The following STK3 variants were observed in gnomAD, a reference collection of about 807,000 sequenced individuals.
The protein encoded by STK3 is serine/threonine-protein kinase 3.
In STK3, 41 loss-of-function variants were observed where a neutral mutation model predicts 58.0. That is an observed-to-expected ratio of 0.71 (90% CI 0.55 to 0.92). The LOEUF (loss-of-function observed/expected upper bound fraction) is 0.92, where lower values mean the gene tolerates loss of function less well. Ranked by LOEUF, STK3 falls within the 40% of genes least tolerant of loss-of-function variation. The pLI, the probability that STK3 is intolerant of heterozygous loss-of-function variation, is 0.00. For missense variants in STK3, 479 were observed against 602.7 expected, an observed-to-expected ratio of 0.79 and a Z score of 2.15; for synonymous variants, 170 against 191.0, an observed-to-expected ratio of 0.89 and a Z score of 0.91.
intron 3 of STK3, among the ~76,000 whole-genome samples, chr8:98,860,723 T>A (rs1836899470): frequency 6.6e-6 from 1 of 152,148 alleles, no homozygotes; most frequent in African/African-American, 2.4e-5. Flanking sequence ...GAAGAGGGAC[T>A]ATGGACACTA....
the STK3 span, among the ~76,000 whole-genome samples, chr8:98,353,280 C>A: frequency 6.6e-6 from 1 of 151,974 alleles, no homozygotes; most frequent in African/African-American, 2.4e-5. Flanking sequence ...ACAAGATCAA[C>A]CTGGGCAACA....
exon 2 of STK3, chr8:98,883,824 C>T: frequency 1.5e-6 from 1 of 674,584 alleles, no homozygotes; most frequent in Non-Finnish European, 2.7e-6. Context: ...GAAGAAGGGA[C>T]ATTGAATGGC....
upstream of STK3, among the ~76,000 whole-genome samples, chr8:98,825,877 CGCGCCGGCCGCCAGCCT>C (rs766137172): frequency 0.56 from 38,159 of 68,516 alleles, 12,577 homozygotes; most frequent in Middle Eastern, 0.68. Context: ...CGCCCCCGGC[CGCGCCGGCCGCCAGCCT>C]GCGGCGGCGG....
intron 10 of STK3, among the ~76,000 whole-genome samples, chr8:98,518,422 A>G (rs537155175): frequency 6.6e-6 from 1 of 152,270 alleles, no homozygotes; most frequent in Non-Finnish European, 1.5e-5. Context: ...CAGATAGCCA[A>G]GTGGATTAAA....
intron 1 of STK3, chr8:98,905,677 A>G (rs1404507504): frequency 2.7e-6 from 2 of 731,808 alleles, no homozygotes; most frequent in African/African-American, 3.5e-5. Flanking sequence ...TCATCCGGAC[A>G]AGCACCTCTG....
chr8:98,694,505 C>T lies in STK3; in HGVS notation c.684+11962G>A, dbSNP rs144208512. Among the ~76,000 whole-genome samples, 990 of 152,218 alleles carry T rather than the reference C, an allele frequency of 6.5e-3. 9 individuals carry two copies. Among genetic ancestry groups the T allele is most frequent in the African/African-American group, 0.023 (955 of 41,500 alleles). On this transcript the variant is annotated intron_variant, in intron 6 of 10. Transcript: ENST00000419617. The stretch of plus-strand genomic sequence containing the variant: ...CCTAATGCTATCCCTCCCCACTCCC[C>T]GCACCCCAGAACAGTCCCCAGAGTG...
chr8:98,410,752 C>T (rs1177118978), intron 3 of STK3, among the ~76,000 whole-genome samples: 1 of 152,266 alleles, frequency 6.6e-6, no homozygotes, highest in East Asian at 1.9e-4. Context: ...AGTATTCCCT[C>T]CACAAACACA....
chr8:98,883,681 A>C (rs1414119533), downstream of STK3: 1 of 702,836 alleles, frequency 1.4e-6, no homozygotes, highest in African/African-American at 1.7e-5. Flanking sequence ...TGTGTGCTCC[A>C]TTCTTTTTTC....
intron 1 of STK3, among the ~76,000 whole-genome samples, chr8:98,922,922 C>G (rs558828187): frequency 1.5e-4 from 23 of 152,032 alleles, no homozygotes; most frequent in African/African-American, 4.8e-4. Flanking sequence ...ATTAGCAAAC[C>G]CTTTTTATGA....
In STK3 at chr8:98,707,188, G is replaced by A; in HGVS notation, c.475C>T (p.His159Tyr). Residue 159 changes from histidine (H) to tyrosine (Y), a missense_variant, in exon 5 of 11, where the codon CAT becomes TAT. By Grantham distance (83) the His-to-Tyr change is moderately conservative. This residue lies in a region of STK3 where 126 missense variants were observed against 210.1 expected (regional missense o/e 0.60). Coordinates refer to ENST00000419617, the MANE Select transcript of STK3 (RefSeq NM_006281.4). ...ACTCCAAAATCTGCCAATTTTGCATGTCCTTCTGTATTGAGGAGAATATTT... is the reference window on the plus strand; with the variant it reads ...ACTCCAAAATCTGCCAATTTTGCATATCCTTCTGTATTGAGGAGAATATTT... ...AGNILLNTEGHAKLADFGVAG... is the reference protein window; with the variant it reads ...AGNILLNTEGYAKLADFGVAG... The A allele has an allele frequency of 4.4e-6, 7 of 1,608,598 alleles. No homozygotes were observed. Among genetic ancestry groups the A allele is most frequent in the Non-Finnish European group, 5.9e-6 (7 of 1,178,764 alleles).
chr8:98,493,232 CAAAAA>C (rs58987455), intron 10 of STK3, among the ~76,000 whole-genome samples: 3 of 120,236 alleles, frequency 2.5e-5, no homozygotes, highest in Non-Finnish European at 1.8e-5. Flanking sequence ...GACCCTGTCT[CAAAAA>C]AAAAAAAAAA....
At chr8:98,927,240 G>A (rs1839833703) in intron 1 of STK3, among the ~76,000 whole-genome samples, 2 of 152,210 alleles carry the variant, frequency 1.3e-5, no homozygotes, top group African/African-American at 2.4e-5. Flanking sequence ...GAGGCTACCT[G>A]TCTTGTTCAG....
downstream of STK3, among the ~76,000 whole-genome samples, chr8:98,399,853 G>C (rs527260096): frequency 3.3e-5 from 5 of 152,334 alleles, no homozygotes; most frequent in South Asian, 6.2e-4. Flanking sequence ...GGGAGGAAAG[G>C]AGAGATGACC....
At chr8:98,565,531 C>T (rs907980854) in intron 8 of STK3, among the ~76,000 whole-genome samples, 2 of 152,012 alleles carry the variant, frequency 1.3e-5, no homozygotes, top group Non-Finnish European at 2.9e-5. Context: ...TTACAAATTT[C>T]AATATGTATA....
At chr8:98,349,170 T>G in the STK3 span, among the ~76,000 whole-genome samples, 166 of 152,336 alleles carry the variant, frequency 1.1e-3, 1 homozygote, top group African/African-American at 3.7e-3. Context: ...ATACTTTTGA[T>G]TCCAACTATA....
At chr8:98,884,052 G>A (rs1293025501) in intron 1 of STK3, among the ~76,000 whole-genome samples, 1 of 152,138 alleles carries the variant, frequency 6.6e-6, no homozygotes, top group Admixed American at 6.5e-5. Context: ...TGTGGACAAG[G>A]AAATCTTCCA....
chr8:98,351,204 C>T, the STK3 span, among the ~76,000 whole-genome samples: 1 of 152,122 alleles, frequency 6.6e-6, no homozygotes, highest in Non-Finnish European at 1.5e-5. Flanking sequence ...AGAGCACAAA[C>T]CTTGGGTAAC....
chr8:98,859,651 C>T (rs762997373), intron 3 of STK3, among the ~76,000 whole-genome samples: 3 of 152,168 alleles, frequency 2.0e-5, no homozygotes, highest in Non-Finnish European at 2.9e-5. Flanking sequence ...CATTTGGCTC[C>T]GAGACCCAGA....
At chr8:98,378,145 AATGGATTTAG>A (rs1817693960) in intron 2 of STK3, among the ~76,000 whole-genome samples, 1 of 152,228 alleles carries the variant, frequency 6.6e-6, no homozygotes, top group Admixed American at 6.5e-5. Flanking sequence ...TTTAGGAAAC[AATGGATTTAG>A]ATGGCAAGAG....
Sources: gnomAD v4.1 joint callset for allele counts (sites outside exome capture counted in the v4.1 genomes callset) on GRCh38, gnomAD v4.1.1 for gene constraint, gnomAD v4.1.1 regional missense constraint, MANE v1.5 for transcripts, NCBI Gene and HGNC (gene_info 2026-07-23, HGNC 2026-07-21) for gene names.